Variants in DCC observed in about 807,000 individuals in gnomAD.
The protein encoded by DCC is netrin receptor DCC.
Under a neutral mutation model 172.5 loss-of-function variants are expected in DCC, and 58 were observed. The observed-to-expected ratio is 0.34, with a 90% confidence interval of 0.27 to 0.42. The LOEUF (loss-of-function observed/expected upper bound fraction) is 0.42. Ranked by LOEUF, DCC falls within the 10% of genes least tolerant of loss-of-function variation. The pLI, the probability that DCC is intolerant of heterozygous loss-of-function variation, is 1.00. For synonymous variants in DCC, 709 were observed against 644.5 expected, an observed-to-expected ratio of 1.10 and a Z score of -1.52; for missense variants, 1,740 against 1,791.0, an observed-to-expected ratio of 0.97 and a Z score of 0.51.
intron 1 of DCC, among the ~76,000 whole-genome samples, chr18:52,390,627 C>T (rs544184075): frequency 3.9e-5 from 6 of 152,204 alleles, no homozygotes; most frequent in Non-Finnish European, 7.4e-5. Flanking sequence ...AGGTTGGCAT[C>T]TGCTCTTGTC....
rs368287299 is a variant in DCC, at chr18:53,238,292, A to G, written c.1911+22695A>G. 3.0e-4 allele frequency among the ~76,000 whole-genome samples: 46 copies of G among 152,294 alleles called. No individual in the cohort carries two copies. The East Asian group carries it at 8.1e-3, about 27-fold the overall frequency. ...GAATCATGACTCCTAGAATTATTCA[A>G]TGTGAACACTTTATTGATGATAGAT... On this transcript the variant is annotated intron_variant, in intron 12 of 28. Coordinates refer to ENST00000442544, the MANE Select transcript of DCC (RefSeq NM_005215.4).
intron 15 of DCC, among the ~76,000 whole-genome samples, chr18:53,349,807 A>G (rs2057768059): frequency 6.6e-6 from 1 of 152,158 alleles, no homozygotes; most frequent in Admixed American, 6.6e-5. Flanking sequence ...CAATCACCAC[A>G]AACCAGGTTC....
intron 1 of DCC, among the ~76,000 whole-genome samples, chr18:52,487,084 G>A (rs1427406933): frequency 6.6e-6 from 1 of 152,100 alleles, no homozygotes; most frequent in Non-Finnish European, 1.5e-5. Flanking sequence ...TTCCAGATAC[G>A]GTGGAATGGG....
chr18:53,197,707 G>A (rs760743245), intron 9 of DCC, among the ~76,000 whole-genome samples: 60 of 151,810 alleles, frequency 4.0e-4, no homozygotes, highest in Middle Eastern at 3.4e-3. Flanking sequence ...TTTTGAAAAG[G>A]ATTAATTAAG....
chr18:52,357,793 C>T (rs1023548283), intron 1 of DCC, among the ~76,000 whole-genome samples: 54 of 152,134 alleles, frequency 3.5e-4, no homozygotes, highest in Non-Finnish European at 7.2e-4. Flanking sequence ...AAAAAATTAG[C>T]TGGGCGTGGT....
chr18:52,866,864 C>T (rs553143617), intron 2 of DCC, among the ~76,000 whole-genome samples: 1 of 152,058 alleles, frequency 6.6e-6, no homozygotes. Context: ...ATTTGAATAC[C>T]CTTTATTTTT....
chr18:52,626,558 C>G lies in DCC; in HGVS notation c.92-125496C>G, dbSNP rs558942619. On this transcript the variant is annotated intron_variant, in intron 1 of 28. Coordinates refer to ENST00000442544, the MANE Select transcript of DCC (RefSeq NM_005215.4). ...TTTCTTAAAACTTTTCAGTCTCTCT[C>G]CACTGCACATGATAGCTAAAGTCCT... Among the ~76,000 whole-genome samples, 9 of 152,210 alleles carry G rather than the reference C, an allele frequency of 5.9e-5. 1 individual carries two copies. The highest frequency in any genetic ancestry group is 5.2e-4 in the Admixed American group (8 of 15,288).
intron 1 of DCC, among the ~76,000 whole-genome samples, chr18:52,431,533 G>T (rs1568167427): frequency 1.3e-5 from 2 of 151,854 alleles, no homozygotes; most frequent in African/African-American, 4.8e-5. Flanking sequence ...AAAAGAAGAA[G>T]AAAAAAATGA....
intron 1 of DCC, among the ~76,000 whole-genome samples, chr18:52,427,704 A>G (rs569637028): frequency 1.1e-4 from 16 of 152,124 alleles, no homozygotes; most frequent in Admixed American, 9.8e-4. Flanking sequence ...ACTCTGTTTC[A>G]ATCAGGGTGT....
chr18:53,075,262 G>T (rs1405728094), intron 7 of DCC, among the ~76,000 whole-genome samples: 1 of 152,122 alleles, frequency 6.6e-6, no homozygotes, highest in African/African-American at 2.4e-5. Context: ...ATAATGACTT[G>T]CTCATGCCAG....
chr18:52,849,753 A>G (rs112250233), intron 2 of DCC, among the ~76,000 whole-genome samples: 31 of 152,322 alleles, frequency 2.0e-4, no homozygotes, highest in Middle Eastern at 3.4e-3. Flanking sequence ...CAATTTCATA[A>G]CAGACAAAGG....
chr18:52,562,483 T>A (rs2033061998), intron 1 of DCC, among the ~76,000 whole-genome samples: 1 of 152,146 alleles, frequency 6.6e-6, no homozygotes, highest in African/African-American at 2.4e-5. Flanking sequence ...TAGAGTTTGT[T>A]TAATATTTAA....
chr18:52,745,219 A>C (rs2145120874), intron 1 of DCC, among the ~76,000 whole-genome samples: 1 of 152,360 alleles, frequency 6.6e-6, no homozygotes, highest in South Asian at 2.1e-4. Context: ...TTTCTAGATT[A>C]TCCTTCTAAG....
At position 52,377,270 on chromosome 18, in the gene DCC, A is replaced by G. The variant is rs139338446; in HGVS notation, c.91+36392A>G. On this transcript the variant is annotated intron_variant, in intron 1 of 28. Coordinates refer to ENST00000442544, the MANE Select transcript of DCC (RefSeq NM_005215.4). The stretch of plus-strand genomic sequence containing the variant: ...ACCAGCCTACATTACTATCCTGAGC[A>G]CTTCTCATTCAAAACTTTAATGGAT... Among the ~76,000 whole-genome samples the G allele has an allele frequency of 7.6e-4, 115 of 152,290 alleles. 1 individual carries two copies. Among genetic ancestry groups the G allele is most frequent in the African/African-American group, 2.6e-3 (107 of 41,550 alleles).
At chr18:53,005,393 AAC>A (rs1349597712) in intron 5 of DCC, among the ~76,000 whole-genome samples, 1 of 152,198 alleles carries the variant, frequency 6.6e-6, no homozygotes, top group Admixed American at 6.6e-5. Context: ...TACGTCAGGT[AAC>A]ACACTGATAA....
chr18:52,520,078 C>T (rs914650264), intron 1 of DCC, among the ~76,000 whole-genome samples: 1 of 152,156 alleles, frequency 6.6e-6, no homozygotes, highest in Non-Finnish European at 1.5e-5. Context: ...TTTGCCTTCA[C>T]CCAAAGCCTA....
chr18:52,609,175 C>G (rs972280467), intron 1 of DCC, among the ~76,000 whole-genome samples: 2 of 151,898 alleles, frequency 1.3e-5, no homozygotes, highest in African/African-American at 4.8e-5. Context: ...CCTCTTTTGC[C>G]GAGGTACAAC....
intron 1 of DCC, among the ~76,000 whole-genome samples, chr18:52,549,254 G>C (rs1202506803): frequency 3.3e-5 from 5 of 152,062 alleles, no homozygotes; most frequent in East Asian, 1.9e-4. Flanking sequence ...TCTCATTCCT[G>C]ATGTGACAAC....
chr18:52,785,019 G>A (rs1344270283), intron 2 of DCC, among the ~76,000 whole-genome samples: 1 of 151,890 alleles, frequency 6.6e-6, no homozygotes, highest in African/African-American at 2.4e-5. Context: ...TAGGAAGGCT[G>A]GAGAAGGTGG....
Sources: allele counts gnomAD v4.1 joint callset (sites outside exome capture counted in the v4.1 genomes callset), GRCh38; gene constraint gnomAD v4.1.1; transcripts MANE v1.5; gene names NCBI Gene and HGNC (gene_info 2026-07-23, HGNC 2026-07-21).